The following MYO1D variants were observed in gnomAD, a reference collection of about 807,000 sequenced individuals.
MYO1D encodes unconventional myosin-Id.
Under a neutral mutation model 122.0 loss-of-function variants are expected in MYO1D, and 83 were observed. That is an observed-to-expected ratio of 0.68 (90% CI 0.57 to 0.82). MYO1D has a LOEUF of 0.82. Ranked by LOEUF, MYO1D falls within the 40% of genes least tolerant of loss-of-function variation. The pLI is 0.00. For synonymous variants in MYO1D, 464 were observed against 446.9 expected (o/e 1.04, Z -0.48); for missense variants, 1,157 against 1,269.5 (o/e 0.91, Z 1.35).
At chr17:32,722,657 C>T (rs2089525838) in intron 14 of MYO1D, among the ~76,000 whole-genome samples, 1 of 152,210 alleles carries the variant, frequency 6.6e-6, no homozygotes, top group Non-Finnish European at 1.5e-5. Flanking sequence ...CATCTGCAAC[C>T]TTAATTCCAC....
chr17:32,769,338 A>G (rs1416083086), intron 6 of MYO1D, among the ~76,000 whole-genome samples: 1 of 152,226 alleles, frequency 6.6e-6, no homozygotes, highest in Non-Finnish European at 1.5e-5. Flanking sequence ...TGGGGAAACA[A>G]CCAAAAAAAC....
chr17:32,754,685 A>G (rs1269529996), intron 11 of MYO1D, among the ~76,000 whole-genome samples: 1 of 152,164 alleles, frequency 6.6e-6, no homozygotes, highest in Non-Finnish European at 1.5e-5. Context: ...CCCTTTTTCT[A>G]TGGATGTGAA....
chr17:32,560,154 ATGAGGCAGGAGAAC>A (rs1567890143), intron 21 of MYO1D, among the ~76,000 whole-genome samples: 1 of 152,068 alleles, frequency 6.6e-6, no homozygotes, highest in Non-Finnish European at 1.5e-5. Flanking sequence ...ACTCAGGAGG[ATGAGGCAGGAGAAC>A]TGCTTGAACC....
intron 16 of MYO1D, among the ~76,000 whole-genome samples, chr17:32,683,555 G>C (rs2088956453): frequency 6.6e-6 from 1 of 152,028 alleles, no homozygotes; most frequent in Non-Finnish European, 1.5e-5. Flanking sequence ...TCCCAGTTAG[G>C]CTGCTCGGGG....
chr17:32,653,795 T>G (rs375690059), intron 19 of MYO1D, 48 bp downstream of exon 19: 1 of 1,511,442 alleles, frequency 6.6e-7, no homozygotes, highest in Admixed American at 1.7e-5. Context: ...GAGTTTCATC[T>G]GAATCAGTCT....
intron 16 of MYO1D, among the ~76,000 whole-genome samples, chr17:32,708,644 G>A (rs1291662113): frequency 6.6e-6 from 1 of 152,106 alleles, no homozygotes; most frequent in African/African-American, 2.4e-5. Flanking sequence ...GGCCTGTGGA[G>A]TTGATCCAAA....
rs149483472 is a variant in MYO1D at position 32,869,471 on chromosome 17, A to G, written c.95+7307T>C. On this transcript the variant is annotated intron_variant, in intron 1 of 21. Coordinates refer to ENST00000318217, the MANE Select transcript of MYO1D (RefSeq NM_015194.3). The stretch of plus-strand genomic sequence containing the variant: ...CGGAGCTGGAGCCACTGCTGACAGT[A>G]AAGTTCCCCGACTTAGCAGTGGCTG... Among the ~76,000 whole-genome samples, 329 of 152,344 alleles carry G rather than the reference A, an allele frequency of 2.2e-3. 1 individual carries two copies. The highest frequency in any genetic ancestry group is 7.0e-3 in the African/African-American group (293 of 41,584).
intron 14 of MYO1D, among the ~76,000 whole-genome samples, chr17:32,725,413 C>G (rs1157938871): frequency 6.6e-6 from 1 of 151,888 alleles, no homozygotes; most frequent in South Asian, 2.1e-4. Flanking sequence ...CCAGTTTACT[C>G]AGGAGGCTGA....
chr17:32,771,246 AT>A (rs748836564), intron 5 of MYO1D, 26 bp from the exon 6 acceptor site: 1 of 1,531,470 alleles, frequency 6.5e-7, no homozygotes, highest in Non-Finnish European at 9.0e-7. Context: ...TTAGAAATAA[AT>A]TGGCCAGACA....
At chr17:32,541,899 A>C (rs190837355) in intron 21 of MYO1D, among the ~76,000 whole-genome samples, 11 of 152,226 alleles carry the variant, frequency 7.2e-5, no homozygotes, top group Admixed American at 7.2e-4. Flanking sequence ...AAACAGCTTC[A>C]GCACATCCTG....
chr17:32,799,127 A>C (rs1167803283), intron 1 of MYO1D, among the ~76,000 whole-genome samples: 1 of 152,240 alleles, frequency 6.6e-6, no homozygotes, highest in African/African-American at 2.4e-5. Context: ...ATACTCAGGA[A>C]TACCAGACAT....
chr17:32,771,428 TA>T (rs771942036), intron 5 of MYO1D, among the ~76,000 whole-genome samples: 15 of 152,182 alleles, frequency 9.9e-5, no homozygotes, highest in Non-Finnish European at 1.8e-4. Flanking sequence ...TATGCAGTCA[TA>T]AAGAAAATTA....
At chr17:32,661,867 G>A (rs1378752613) in intron 16 of MYO1D, among the ~76,000 whole-genome samples, 1 of 152,056 alleles carries the variant, frequency 6.6e-6, no homozygotes, top group Non-Finnish European at 1.5e-5. Context: ...ATATGTATAT[G>A]TTATATTGCA....
chr17:32,642,784 G>T (rs1407391417), intron 19 of MYO1D, among the ~76,000 whole-genome samples: 2 of 152,190 alleles, frequency 1.3e-5, no homozygotes, highest in Admixed American at 1.3e-4. Context: ...TGCATCCTGA[G>T]AGTTTGCTGA....
intron 1 of MYO1D, among the ~76,000 whole-genome samples, chr17:32,838,905 C>T (rs1473264455): frequency 6.6e-6 from 1 of 152,128 alleles, no homozygotes; most frequent in Non-Finnish European, 1.5e-5. Context: ...CAATTTCCCT[C>T]CTATACACCC....
intron 1 of MYO1D, among the ~76,000 whole-genome samples, chr17:32,808,581 G>A (rs564136626): frequency 1.3e-5 from 2 of 152,114 alleles, no homozygotes; most frequent in African/African-American, 4.8e-5. Flanking sequence ...CCCCTGCCAC[G>A]CCAAAATTCA....
chr17:32,797,928 T>A (rs1374022584), intron 1 of MYO1D, among the ~76,000 whole-genome samples: 1 of 152,268 alleles, frequency 6.6e-6, no homozygotes, highest in Non-Finnish European at 1.5e-5. Context: ...ATACATTTAC[T>A]AAATATTAAT....
chr17:32,766,802 C>CAAAACAAAAA (rs61293953), intron 7 of MYO1D, among the ~76,000 whole-genome samples: 4 of 150,216 alleles, frequency 2.7e-5, no homozygotes, highest in African/African-American at 7.3e-5. Context: ...AAAAAGAAAA[C>CAAAACAAAAA]AAAACAACAA....
At chr17:32,668,028 TTAAG>T (rs767426870) in intron 16 of MYO1D, among the ~76,000 whole-genome samples, 1 of 152,126 alleles carries the variant, frequency 6.6e-6, no homozygotes, top group Non-Finnish European at 1.5e-5. Flanking sequence ...AGATAATAGG[TTAAG>T]TAACTCTGAC....
Sources: allele counts gnomAD v4.1 joint callset (sites outside exome capture counted in the v4.1 genomes callset), GRCh38; gene constraint gnomAD v4.1.1; transcripts MANE v1.5; gene names NCBI Gene and HGNC (gene_info 2026-07-23, HGNC 2026-07-21).